The following SNX6 variants were observed in gnomAD, a reference collection of about 807,000 sequenced individuals.
The protein encoded by SNX6 is sorting nexin 6, also known as sorting nexin-6.
Under a neutral mutation model 63.0 loss-of-function variants are expected in SNX6, and 34 were observed. That is an observed-to-expected ratio of 0.54 (90% CI 0.41 to 0.72). The LOEUF (loss-of-function observed/expected upper bound fraction) is 0.72, where lower values mean the gene tolerates loss of function less well. Ranked by LOEUF, SNX6 falls within the 30% of genes least tolerant of loss-of-function variation. The pLI is 0.00. For missense variants in SNX6, 398 were observed against 471.4 expected, an observed-to-expected ratio of 0.84 and a Z score of 1.44; for synonymous variants, 170 against 164.2, an observed-to-expected ratio of 1.04 and a Z score of -0.27.
chr14:34,562,948 C>G lies in SNX6; in HGVS notation c.*174G>C, dbSNP rs574195593. On this transcript the variant is annotated 3_prime_UTR_variant, in exon 14 of 14. Coordinates refer to ENST00000362031, the MANE Select transcript of SNX6 (RefSeq NM_152233.4). ...ACAGTGCGGCATCACGGCACACAGACTGGCATCGCCTGGGCGTGCGCTGCT... is the reference window on the plus strand; with the variant it reads ...ACAGTGCGGCATCACGGCACACAGAGTGGCATCGCCTGGGCGTGCGCTGCT... 6.3e-6 allele frequency: 4 copies of G among 634,336 alleles called. No individual in the cohort carries two copies. The highest frequency in any genetic ancestry group is 1.1e-5 in the Non-Finnish European group (4 of 356,804). The allele number at this position is 634,336 out of a possible 1,614,324, so 39.3% of individuals were successfully genotyped here. A position where few individuals can be genotyped will look rare whatever the true frequency, so the allele number is the denominator to read the frequency against.
At chr14:34,571,207 G>A (rs992342232) in intron 11 of SNX6, among the ~76,000 whole-genome samples, 13 of 151,812 alleles carry the variant, frequency 8.6e-5, no homozygotes, top group Non-Finnish European at 1.2e-4. Flanking sequence ...GCTGAGGCAG[G>A]TGGATCACGA....
intron 5 of SNX6, chr14:34,604,201 C>CAA: frequency 7.8e-7 from 1 of 1,288,408 alleles, no homozygotes; most frequent in African/African-American, 1.5e-5. Context: ...TCAGTGAAGA[C>CAA]AAAAAAGAAG....
At chr14:34,570,326 A>C (rs1275022676) in intron 11 of SNX6, among the ~76,000 whole-genome samples, 1 of 151,370 alleles carries the variant, frequency 6.6e-6, no homozygotes, top group Admixed American at 6.6e-5. Context: ...TCTGCCTCCC[A>C]AAGTGCTGGG....
chr14:34,593,871 C>T (rs1692708339), intron 7 of SNX6, among the ~76,000 whole-genome samples: 1 of 152,036 alleles, frequency 6.6e-6, no homozygotes, highest in African/African-American at 2.4e-5. Context: ...ACCCACCACG[C>T]CCAGCCTAAT....
chr14:34,570,000 C>T (rs761994361), intron 11 of SNX6, among the ~76,000 whole-genome samples: 1 of 152,044 alleles, frequency 6.6e-6, no homozygotes, highest in Non-Finnish European at 1.5e-5. Flanking sequence ...CCTACCAACA[C>T]CATATGAGAG....
At chr14:34,580,525 T>A (rs2138290386) in intron 10 of SNX6, among the ~76,000 whole-genome samples, 1 of 152,204 alleles carries the variant, frequency 6.6e-6, no homozygotes, top group Middle Eastern at 3.4e-3. Flanking sequence ...CTGGTCGAAC[T>A]CCTGGCCTCT....
intron 9 of SNX6, among the ~76,000 whole-genome samples, chr14:34,585,782 G>C (rs1159246802): frequency 6.6e-6 from 1 of 151,812 alleles, no homozygotes; most frequent in Non-Finnish European, 1.5e-5. Flanking sequence ...TGTATTTTTT[G>C]GTAGAGATAG....
chr14:34,593,803 C>A (rs1391211956), intron 7 of SNX6, among the ~76,000 whole-genome samples: 4 of 150,928 alleles, frequency 2.7e-5, no homozygotes, highest in Non-Finnish European at 5.9e-5. Context: ...TGGTCTCGAA[C>A]TCCTCACCTC....
chr14:34,596,951 C>A (rs1882629038), intron 7 of SNX6, among the ~76,000 whole-genome samples: 1 of 152,204 alleles, frequency 6.6e-6, no homozygotes, highest in Admixed American at 6.5e-5. Flanking sequence ...GGATTACAGG[C>A]ATGGGCCACC....
intron 2 of SNX6, among the ~76,000 whole-genome samples, chr14:34,623,090 C>T (rs1390978518): frequency 1.3e-5 from 2 of 152,126 alleles, no homozygotes; most frequent in East Asian, 3.8e-4. Context: ...GGTCTCAGGG[C>T]AGGAACTTTG....
In SNX6 at chr14:34,565,968, C is replaced by T. The variant is rs547631070; in HGVS notation, c.1167+1718G>A. Among the ~76,000 whole-genome samples the T allele has an allele frequency of 1.4e-4, 22 of 152,204 alleles. No homozygotes were observed. In the South Asian group the frequency reaches 4.6e-3, roughly 32 times the overall value. Reference sequence around the variant, plus strand: ...CCTCCCAAAGTGCTGGGATTACAGGCGTGAGCCACCACGCCTGGCTGATTT... The same window carrying T: ...CCTCCCAAAGTGCTGGGATTACAGGTGTGAGCCACCACGCCTGGCTGATTT... On this transcript the variant is annotated intron_variant, in intron 13 of 13. Coordinates refer to ENST00000362031, the MANE Select transcript of SNX6 (RefSeq NM_152233.4).
At chr14:34,589,204 C>T (rs1056135707) in intron 8 of SNX6, among the ~76,000 whole-genome samples, 4 of 151,962 alleles carry the variant, frequency 2.6e-5, no homozygotes, top group Admixed American at 2.0e-4. Flanking sequence ...GCCTGTAATC[C>T]CAGCACTTTG....
rs34722757 is a variant in SNX6, at chr14:34,565,077, CTTT to C, written c.1168-1905_1168-1903del. 6.9e-3 allele frequency among the ~76,000 whole-genome samples: 905 copies of C among 131,212 alleles called. 12 individuals carry two copies. The highest frequency in any genetic ancestry group is 0.024 in the African/African-American group (863 of 35,326). 86.1% of individuals were successfully genotyped at this position (131,212 alleles called of 152,430 possible). ...TTAATACATTTAATACATGTCATGACTTTTTTTTTTTTTTTTTGGAGAAGGAGT... is the reference window on the plus strand; with the variant it reads ...TTAATACATTTAATACATGTCATGACTTTTTTTTTTTTTTGGAGAAGGAGT... On this transcript the variant is annotated intron_variant, in intron 13 of 13. Coordinates refer to ENST00000362031, the MANE Select transcript of SNX6 (RefSeq NM_152233.4).
intron 2 of SNX6, among the ~76,000 whole-genome samples, chr14:34,613,463 C>T (rs547381708): frequency 6.6e-6 from 1 of 152,268 alleles, no homozygotes; most frequent in Non-Finnish European, 1.5e-5. Context: ...ATTTCCAAAA[C>T]ACACCTAATA....
chr14:34,610,637 G>T (rs955461882), intron 2 of SNX6, among the ~76,000 whole-genome samples: 1 of 152,122 alleles, frequency 6.6e-6, no homozygotes, highest in Non-Finnish European at 1.5e-5. Flanking sequence ...TACATTTGAA[G>T]AAATAAATAT....
At chr14:34,564,418 A>G (rs1246381255) in intron 13 of SNX6, among the ~76,000 whole-genome samples, 2 of 152,220 alleles carry the variant, frequency 1.3e-5, no homozygotes, top group Non-Finnish European at 2.9e-5. Flanking sequence ...AAATGTCTCC[A>G]GATATTGCAA....
chr14:34,582,551 G>A (rs889309482), intron 9 of SNX6, among the ~76,000 whole-genome samples: 1 of 151,734 alleles, frequency 6.6e-6, no homozygotes, highest in South Asian at 2.1e-4. Context: ...ACGTGTTTTT[G>A]TTGTTGTTGT....
intron 11 of SNX6, 99 bp from the exon 12 acceptor site, chr14:34,568,112 C>A: frequency 2.0e-6 from 2 of 981,344 alleles, no homozygotes; most frequent in Non-Finnish European, 3.0e-6. Flanking sequence ...TCAGAGCTAA[C>A]ACATAGTGAA....
At position 34,585,522 on chromosome 14, in the gene SNX6, A is replaced by G. The variant is rs375975595; in HGVS notation, c.794+708T>C. Among the ~76,000 whole-genome samples, 5 of 152,126 alleles carry G rather than the reference A, an allele frequency of 3.3e-5. No homozygotes were observed. In the East Asian group the frequency reaches 7.7e-4, roughly 24 times the overall value. ...GTGACAGAATAAGACCCTGTTTCAAAACAAAAACTAAAACAAAAACCAAAA... is the reference window on the plus strand; with the variant it reads ...GTGACAGAATAAGACCCTGTTTCAAGACAAAAACTAAAACAAAAACCAAAA... On this transcript the variant is annotated intron_variant, in intron 9 of 13. Transcript: ENST00000362031.
Sources: gnomAD v4.1 joint callset for allele counts (sites outside exome capture counted in the v4.1 genomes callset) on GRCh38, gnomAD v4.1.1 for gene constraint, MANE v1.5 for transcripts, NCBI Gene and HGNC (gene_info 2026-07-23, HGNC 2026-07-21) for gene names.